The following PITPNA variants were observed in gnomAD, a reference collection of about 807,000 sequenced individuals.
PITPNA encodes the protein phosphatidylinositol transfer protein alpha isoform.
A neutral mutation model predicts 50.3 loss-of-function variants in PITPNA; 13 were observed. That is an observed-to-expected ratio of 0.26 (90% confidence interval 0.17 to 0.41). PITPNA has a LOEUF of 0.41. Among genes scored for constraint, PITPNA ranks in the 10% least tolerant of loss-of-function variants. PITPNA has a pLI of 1.00. For synonymous variants in PITPNA, 120 were observed against 119.6 expected, an observed-to-expected ratio of 1.00 and a Z score of -0.02; for missense variants, 207 against 333.4, an observed-to-expected ratio of 0.62 and a Z score of 2.95.
In PITPNA at chr17:1,545,095, C is replaced by G. The variant is rs1598410151; in HGVS notation, c.290-2068G>C. On this transcript the variant is annotated intron_variant, in intron 4 of 11. Transcript: ENST00000313486. ...AGGAAGAGATGGAAGGAGAAACAAA[C>G]TTTCTTTTCCTTTTCCCACTTTCAT... 4.0e-5 allele frequency among the ~76,000 whole-genome samples: 6 copies of G among 151,246 alleles called. No individual in the cohort carries two copies. In the South Asian group the frequency reaches 1.2e-3, roughly 31 times the overall value.
intron 2 of PITPNA, among the ~76,000 whole-genome samples, chr17:1,556,706 G>A (rs1007590150): frequency 1.4e-4 from 21 of 152,192 alleles, no homozygotes; most frequent in African/African-American, 4.6e-4. Context: ...CAGAGAGGAC[G>A]TCACTGGACA....
rs2075624058 is a variant in PITPNA, at chr17:1,537,298, C to T, written c.456+1571G>A. Among the ~76,000 whole-genome samples the T allele has an allele frequency of 2.0e-5, 3 of 152,128 alleles. No homozygotes were observed. The South Asian group carries it at 6.2e-4, about 32-fold the overall frequency. On this transcript the variant is annotated intron_variant, in intron 7 of 11. Coordinates refer to ENST00000313486, the MANE Select transcript of PITPNA (RefSeq NM_006224.4). ...CAGGATGGTCTCGATCTCTTGACCT[C>T]GTGATCTGCCCACCTTGGCGTCCCA...
At chr17:1,560,705 G>A (rs1451289851) in intron 1 of PITPNA, among the ~76,000 whole-genome samples, 1 of 152,182 alleles carries the variant, frequency 6.6e-6, no homozygotes, top group Non-Finnish European at 1.5e-5. Context: ...CTGTCAGTCT[G>A]GACACTGAAG....
intron 10 of PITPNA, among the ~76,000 whole-genome samples, chr17:1,525,618 A>C (rs943548889): frequency 6.7e-6 from 1 of 148,568 alleles, no homozygotes; most frequent in Non-Finnish European, 1.5e-5. Context: ...TCCCGGGTTC[A>C]GGCGATTCTC....
chr17:1,555,596 A>G (rs1200441781), intron 2 of PITPNA, among the ~76,000 whole-genome samples: 1 of 152,078 alleles, frequency 6.6e-6, no homozygotes, highest in Non-Finnish European at 1.5e-5. Flanking sequence ...GAACTAAGAC[A>G]TTCAACTAAG....
intron 6 of PITPNA, among the ~76,000 whole-genome samples, chr17:1,539,749 T>C (rs139914161): frequency 9.7e-4 from 148 of 152,348 alleles, no homozygotes; most frequent in Middle Eastern, 3.4e-3. Flanking sequence ...GATTGTCTGT[T>C]TGTCTGAGAT....
At chr17:1,547,942 C>T (rs1332023657) in intron 4 of PITPNA, among the ~76,000 whole-genome samples, 5 of 151,998 alleles carry the variant, frequency 3.3e-5, no homozygotes, top group Admixed American at 6.6e-5. Flanking sequence ...TGCAGTGAGC[C>T]GAGATCACGC....
At position 1,545,958 on chromosome 17, in the gene PITPNA, G is replaced by A. The variant is rs1175168263; in HGVS notation, c.289+2338C>T. On this transcript the variant is annotated intron_variant, in intron 4 of 11. Coordinates refer to ENST00000313486, the MANE Select transcript of PITPNA (RefSeq NM_006224.4). The stretch of plus-strand genomic sequence containing the variant: ...TTTTTTTTTTAATAAACGGAGTTTT[G>A]CTCTTGTTGTCCAAGCTGGAGTGGA... Among the ~76,000 whole-genome samples the A allele has an allele frequency of 7.4e-5, 8 of 107,682 alleles. No individual in the cohort carries two copies. In the Admixed American group the frequency reaches 1.0e-3, roughly 13 times the overall value. The allele number at this position is 107,682 out of a possible 152,430, so 70.6% of individuals were successfully genotyped here. A position where few individuals can be genotyped will look rare whatever the true frequency, so the allele number is the denominator to read the frequency against.
intron 10 of PITPNA, among the ~76,000 whole-genome samples, chr17:1,529,655 G>A (rs1224194161): frequency 6.6e-6 from 1 of 151,882 alleles, no homozygotes; most frequent in Non-Finnish European, 1.5e-5. Context: ...AGGAGTTCCA[G>A]ACCAGCCCGG....
intron 4 of PITPNA, among the ~76,000 whole-genome samples, chr17:1,545,874 C>T (rs1326931910): frequency 6.6e-6 from 1 of 151,022 alleles, no homozygotes; most frequent in Non-Finnish European, 1.5e-5. Flanking sequence ...GAAAATCCAC[C>T]TTTGGCCCTA....
At chr17:1,549,832 G>A (rs1598411809) in intron 3 of PITPNA, among the ~76,000 whole-genome samples, 1 of 144,858 alleles carries the variant, frequency 6.9e-6, no homozygotes, top group Non-Finnish European at 1.5e-5. Context: ...GCGCCACCAC[G>A]CCCAGCTAAT....
At chr17:1,527,173 C>T (rs1285772170) in intron 10 of PITPNA, among the ~76,000 whole-genome samples, 1 of 152,188 alleles carries the variant, frequency 6.6e-6, no homozygotes, top group Non-Finnish European at 1.5e-5. Context: ...CCAATGTAGG[C>T]TATACATACA....
At chr17:1,525,148 C>G (rs889399162) in intron 10 of PITPNA, among the ~76,000 whole-genome samples, 1 of 151,908 alleles carries the variant, frequency 6.6e-6, no homozygotes, top group Non-Finnish European at 1.5e-5. Flanking sequence ...CACCACCACG[C>G]CTGGCTAATT....
At chr17:1,536,466 T>C (rs1409351658) in intron 7 of PITPNA, among the ~76,000 whole-genome samples, 1 of 151,944 alleles carries the variant, frequency 6.6e-6, no homozygotes, top group Non-Finnish European at 1.5e-5. Context: ...TTTTTTTGTA[T>C]TTTTAGTAGA....
chr17:1,547,660 T>A (rs968466453), intron 4 of PITPNA, among the ~76,000 whole-genome samples: 50 of 148,862 alleles, frequency 3.4e-4, no homozygotes, highest in South Asian at 8.6e-4. Context: ...AAAAAAAAAA[T>A]AATAATAAAA....
At chr17:1,542,745 G>A (rs1385759289) in intron 5 of PITPNA, among the ~76,000 whole-genome samples, 2 of 152,238 alleles carry the variant, frequency 1.3e-5, no homozygotes, top group African/African-American at 2.4e-5. Context: ...ACCTTGAAAA[G>A]GTGTGACCTG....
intron 1 of PITPNA, chr17:1,561,242 G>A (rs1286576831): frequency 6.6e-6 from 1 of 152,210 alleles, no homozygotes; most frequent in Non-Finnish European, 1.5e-5. Context: ...GTACTTGAAA[G>A]ATTTAGCACA....
At chr17:1,532,992 C>A (rs1296473165) in intron 10 of PITPNA, among the ~76,000 whole-genome samples, 2 of 152,236 alleles carry the variant, frequency 1.3e-5, no homozygotes, top group Non-Finnish European at 2.9e-5. Context: ...CGCCCTAGAC[C>A]AGCATGGTGA....
intron 10 of PITPNA, among the ~76,000 whole-genome samples, chr17:1,526,218 A>T (rs1212550979): frequency 6.6e-6 from 1 of 152,266 alleles, no homozygotes; most frequent in Non-Finnish European, 1.5e-5. Context: ...GTGGGGTCTA[A>T]TCATGCAGAA....
Sources: allele counts gnomAD v4.1 joint callset (sites outside exome capture counted in the v4.1 genomes callset), GRCh38; gene constraint gnomAD v4.1.1; transcripts MANE v1.5; gene names NCBI Gene and HGNC (gene_info 2026-07-23, HGNC 2026-07-21).